The following RALGAPA2 variants were observed in gnomAD, a reference collection of about 807,000 sequenced individuals.
The protein encoded by RALGAPA2 is Ral GTPase activating protein catalytic subunit alpha 2.
A neutral mutation model predicts 230.4 loss-of-function variants in RALGAPA2; 139 were observed. The ratio of observed to expected loss-of-function variants is 0.60; its 90% CI spans 0.53 to 0.69. RALGAPA2 has a LOEUF of 0.69. Among genes scored for constraint, RALGAPA2 ranks in the 30% least tolerant of loss-of-function variants. RALGAPA2 has a pLI of 0.00. For missense variants in RALGAPA2, 2,163 were observed against 2,276.0 expected (o/e 0.95, Z 1.01); for synonymous variants, 847 against 837.8 (o/e 1.01, Z -0.19).
intron 36 of RALGAPA2, among the ~76,000 whole-genome samples, chr20:20,494,062 C>T (rs1228397457): frequency 2.0e-5 from 3 of 152,160 alleles, no homozygotes; most frequent in Non-Finnish European, 2.9e-5. Context: ...CAAAAAACAA[C>T]AGCAACAATA....
intron 1 of RALGAPA2, among the ~76,000 whole-genome samples, chr20:20,692,294 T>G (rs1297198904): frequency 6.6e-6 from 1 of 152,234 alleles, no homozygotes; most frequent in African/African-American, 2.4e-5. Context: ...TAAAAAAATT[T>G]TCCATAAATA....
chr20:20,619,266 C>T lies in RALGAPA2; in HGVS notation c.1539+11G>A. ...GGTGGAGGGGTCTTCATGTCCTGGC[C>T]AGCCACATACCTGCAACAAAGCCTG... On this transcript the variant is annotated intron_variant, in intron 12 of 39. Coordinates refer to ENST00000202677, the MANE Select transcript of RALGAPA2 (RefSeq NM_020343.4). The T allele has an allele frequency of 1.9e-6, 3 of 1,587,706 alleles. No individual in the cohort carries two copies. Among genetic ancestry groups the T allele is most frequent in the African/African-American group, 1.3e-5 (1 of 74,606 alleles).
At chr20:20,543,220 T>A (rs578138397) in intron 24 of RALGAPA2, among the ~76,000 whole-genome samples, 216 of 152,242 alleles carry the variant, frequency 1.4e-3, no homozygotes, top group African/African-American at 5.1e-3. Context: ...AGTTTTTTTT[T>A]ATTTTTATTA....
chr20:20,546,965 AG>A, intron 23 of RALGAPA2, 133 bp from the exon 24 acceptor site: 1 of 972,856 alleles, frequency 1.0e-6, no homozygotes, highest in South Asian at 2.7e-5. Flanking sequence ...TTTCAGTGAA[AG>A]GGATATTGGA....
Position 20,437,837 on chromosome 20 carries a change from G to A in RALGAPA2, c.5496-25689C>T, listed in dbSNP as rs1336297763. ...GTCAGCCTCTTCCACTGGAATGGAA[G>A]TTCCATGCGGGCAGGAACTGTGGTA... On this transcript the variant is annotated intron_variant, in intron 37 of 39. Coordinates refer to ENST00000202677, the MANE Select transcript of RALGAPA2 (RefSeq NM_020343.4). This position sits in a 1 kb window ranked among gnomAD's most constrained non-coding sequence, Gnocchi z 4.1. Among the ~76,000 whole-genome samples, 1 of 152,192 alleles carries A rather than the reference G, an allele frequency of 6.6e-6. No homozygotes were observed. The highest frequency in any genetic ancestry group is 1.5e-5 in the Non-Finnish European group (1 of 68,026).
intron 24 of RALGAPA2, among the ~76,000 whole-genome samples, chr20:20,536,995 C>T (rs746872853): frequency 2.6e-5 from 4 of 152,080 alleles, no homozygotes; most frequent in Non-Finnish European, 4.4e-5. Flanking sequence ...TGGATGTAAA[C>T]AAGTGTTGTG....
At chr20:20,555,347 AG>A (rs1377489472) in intron 23 of RALGAPA2, among the ~76,000 whole-genome samples, 1 of 152,232 alleles carries the variant, frequency 6.6e-6, no homozygotes, top group Non-Finnish European at 1.5e-5. Context: ...CTTTTGAAAT[AG>A]GAAACTAGTA....
At chr20:20,439,892 G>C (rs1326599921) in intron 37 of RALGAPA2, among the ~76,000 whole-genome samples, 2 of 152,168 alleles carry the variant, frequency 1.3e-5, no homozygotes, top group Non-Finnish European at 2.9e-5. Flanking sequence ...CCTGTGCTTA[G>C]CAAATGAAAT....
At chr20:20,527,780 A>T (rs972772710) in intron 27 of RALGAPA2, among the ~76,000 whole-genome samples, 1 of 152,090 alleles carries the variant, frequency 6.6e-6, no homozygotes, top group South Asian at 2.1e-4. Context: ...CCCCTTAAGG[A>T]TGTGCGTGGT....
intron 17 of RALGAPA2, among the ~76,000 whole-genome samples, chr20:20,590,743 G>A (rs1403389287): frequency 6.6e-6 from 1 of 152,116 alleles, no homozygotes; most frequent in Non-Finnish European, 1.5e-5. Context: ...TTTTTCACAA[G>A]TCTGGTCAGC....
At chr20:20,503,595 A>C in intron 34 of RALGAPA2, 89 bp from the exon 35 acceptor site, 3 of 1,089,062 alleles carry the variant, frequency 2.8e-6, no homozygotes. Context: ...AAAAAAATAA[A>C]TTATTTTCGT....
intron 29 of RALGAPA2, 21 bp downstream of exon 29, chr20:20,524,809 C>T: frequency 6.4e-7 from 1 of 1,553,310 alleles, no homozygotes; most frequent in South Asian, 1.2e-5. Context: ...ATAGGAAAAA[C>T]TTAGTTAATG....
At chr20:20,519,292 T>A (rs1031892409) in intron 31 of RALGAPA2, among the ~76,000 whole-genome samples, 1 of 151,778 alleles carries the variant, frequency 6.6e-6, no homozygotes, top group African/African-American at 2.4e-5. Context: ...CCCTTGCTCA[T>A]GACTGTCACC....
chr20:20,588,948 C>A (rs941709339), intron 18 of RALGAPA2, among the ~76,000 whole-genome samples: 1 of 151,878 alleles, frequency 6.6e-6, no homozygotes, highest in Non-Finnish European at 1.5e-5. Flanking sequence ...TAGAGGCTAC[C>A]TAAATGGATG....
Position 20,601,814 on chromosome 20 carries a change from C to T in RALGAPA2, c.2071G>A (p.Val691Met), listed in dbSNP as rs374793192. 5.0e-5 allele frequency: 80 copies of T among 1,610,812 alleles called. 1 individual carries two copies. The highest frequency in any genetic ancestry group is 3.1e-4 in the East Asian group (14 of 44,792). ...CVLDPQKGTT[V>M]GRSFSLSWRS... The stretch of plus-strand genomic sequence containing the variant: ...CAGCTGAGAGAAAAGGACCTCCCCA[C>T]GGTGGTTCCTTTCTGAGGATCTAGA... Residue 691 changes from valine (V) to methionine (M), a missense_variant, in exon 16 of 40, where the codon GTG (valine) becomes ATG (methionine). Transcript: ENST00000202677.
chr20:20,466,575 C>T (rs929747405), intron 37 of RALGAPA2, among the ~76,000 whole-genome samples: 1 of 152,160 alleles, frequency 6.6e-6, no homozygotes, highest in Non-Finnish European at 1.5e-5. Context: ...CTGGGTTGGT[C>T]GAGGTCCCTT....
intron 38 of RALGAPA2, among the ~76,000 whole-genome samples, chr20:20,404,739 T>G (rs1418342211): frequency 1.3e-5 from 2 of 152,204 alleles, no homozygotes; most frequent in African/African-American, 4.8e-5. Flanking sequence ...GAGCTGTAAT[T>G]AGCAGTCAGG....
At position 20,513,267 on chromosome 20, in the gene RALGAPA2, A is replaced by G. The variant is rs1328445670; in HGVS notation, c.4102T>C (p.Leu1368=). 8.8e-6 allele frequency: 13 copies of G among 1,471,974 alleles called. 1 individual carries two copies. In the South Asian group the frequency reaches 2.1e-4, roughly 24 times the overall value. 91.2% of individuals were successfully genotyped at this position (1,471,974 alleles called of 1,614,324 possible). A position where few individuals can be genotyped will look rare whatever the true frequency, so the allele number is the denominator to read the frequency against. Residue 1368 remains leucine (L), a synonymous_variant, in exon 32 of 40, where the codon TTG becomes CTG. Coordinates refer to ENST00000202677, the MANE Select transcript of RALGAPA2 (RefSeq NM_020343.4). ...CGAGCAGTCAAAGGGATCAACTCCA[A>G]ACTTCTTCTCTTCTTCTCTGTAAAC... ...TVEEEKKRRS[L]ELIPLTARMV...
intron 2 of RALGAPA2, among the ~76,000 whole-genome samples, chr20:20,676,498 T>A (rs1355581280): frequency 6.6e-6 from 1 of 152,236 alleles, no homozygotes; most frequent in Admixed American, 6.5e-5. Flanking sequence ...AGCTGCCCCT[T>A]GCTAGCTGTT....
Sources: gnomAD v4.1 joint callset for allele counts (sites outside exome capture counted in the v4.1 genomes callset) on GRCh38, gnomAD v4.1.1 for gene constraint, Gnocchi (gnomAD v3.1) non-coding constraint, MANE v1.5 for transcripts, NCBI Gene and HGNC (gene_info 2026-07-23, HGNC 2026-07-21) for gene names.